The following PTPRS variants were observed in gnomAD, a reference collection of about 807,000 sequenced individuals.
PTPRS encodes the protein protein tyrosine phosphatase receptor type S.
Under a neutral mutation model 215.3 loss-of-function variants are expected in PTPRS, and 63 were observed. That is an observed-to-expected ratio of 0.29 (90% CI 0.24 to 0.36). The LOEUF (loss-of-function observed/expected upper bound fraction) is 0.36. Among genes scored for constraint, PTPRS ranks in the 10% least tolerant of loss-of-function variants. PTPRS has a pLI of 1.00. For synonymous variants in PTPRS, 1,404 were observed against 1,191.4 expected (o/e 1.18, Z -3.68); for missense variants, 2,258 against 2,825.8 (o/e 0.80, Z 4.56).
chr19:5,240,133 C>G, intron 12 of PTPRS, 66 bp downstream of exon 12: 5 of 1,421,872 alleles, frequency 3.5e-6, no homozygotes, highest in Non-Finnish European at 4.6e-6. Context: ...AGAGACAAGG[C>G]GGGCAGCGTC....
chr19:5,327,212 C>T (rs961345906), intron 1 of PTPRS, among the ~76,000 whole-genome samples: 3 of 152,214 alleles, frequency 2.0e-5, no homozygotes, highest in South Asian at 2.1e-4. Flanking sequence ...CCGGACACAG[C>T]GACTCCCCAG....
intron 1 of PTPRS, among the ~76,000 whole-genome samples, chr19:5,335,301 G>A (rs997505851): frequency 3.1e-4 from 47 of 152,180 alleles, no homozygotes; most frequent in African/African-American, 1.1e-3. Context: ...GTCAAGGCTC[G>A]CCGCGACGCA....
At chr19:5,226,537 C>T (rs1360283677) in intron 16 of PTPRS, among the ~76,000 whole-genome samples, 1 of 151,412 alleles carries the variant, frequency 6.6e-6, no homozygotes, top group Non-Finnish European at 1.5e-5. Context: ...TCCAGACCAG[C>T]CTGGCCAACA....
intron 1 of PTPRS, among the ~76,000 whole-genome samples, chr19:5,315,351 GTTT>G (rs952833168): frequency 1.3e-5 from 1 of 79,802 alleles, no homozygotes; most frequent in Non-Finnish European, 2.2e-5. Context: ...TTTGAAAAGG[GTTT>G]TTTTTTTTTT....
chr19:5,331,081 T>A (rs2147277954), intron 1 of PTPRS, among the ~76,000 whole-genome samples: 1 of 150,216 alleles, frequency 6.7e-6, no homozygotes, highest in Admixed American at 6.6e-5. Context: ...TCTGCCTGAT[T>A]TCTCTCGCTG....
chr19:5,228,345 G>GAAAAAAAAAAAAAAAAAAAAAAA (rs1491502602), intron 16 of PTPRS, among the ~76,000 whole-genome samples: 6 of 33,266 alleles, frequency 1.8e-4, no homozygotes, highest in African/African-American at 5.7e-4. Flanking sequence ...ACTCCGTCTG[G>GAAAAAAAAAAAAAAAAAAAAAAA]AGAAAAAAAA....
intron 4 of PTPRS, among the ~76,000 whole-genome samples, chr19:5,271,408 T>TC (rs2046898145): frequency 6.6e-6 from 1 of 151,880 alleles, no homozygotes; most frequent in Non-Finnish European, 1.5e-5. Context: ...TTTTTTTTTT[T>TC]TTCCCTGAGA....
intron 2 of PTPRS, among the ~76,000 whole-genome samples, chr19:5,284,996 C>T (rs992954537): frequency 5.9e-5 from 9 of 152,016 alleles, no homozygotes; most frequent in African/African-American, 9.7e-5. Flanking sequence ...TAAGAAAAAG[C>T]GCAAATGAAT....
chr19:5,320,480 AGTGCAGTG>A (rs2049997527), intron 1 of PTPRS, among the ~76,000 whole-genome samples: 1 of 152,174 alleles, frequency 6.6e-6, no homozygotes, highest in African/African-American at 2.4e-5. Context: ...CCCAGGCTGG[AGTGCAGTG>A]GTGTGATCTT....
At chr19:5,285,318 T>C (rs902759623) in intron 2 of PTPRS, among the ~76,000 whole-genome samples, 2 of 152,194 alleles carry the variant, frequency 1.3e-5, no homozygotes, top group African/African-American at 4.8e-5. Flanking sequence ...TGATGCCTTC[T>C]CCAGGTCCTT....
At chr19:5,269,444 G>T (rs1205429400) in intron 4 of PTPRS, among the ~76,000 whole-genome samples, 1 of 152,104 alleles carries the variant, frequency 6.6e-6, no homozygotes, top group Non-Finnish European at 1.5e-5. Flanking sequence ...GGAAGGCAGG[G>T]AGTGGCCCTG....
chr19:5,212,438 C>T lies in PTPRS; in HGVS notation c.4668G>A (p.Pro1556=), dbSNP rs115646246. ...TTGGGTATTCGGGCACGCCATGGTC[C>T]GGCCACGCCGTAAACTGGAACTGGC... ...EVRQFQFTAW[P]DHGVPEYPTP... Residue 1556 remains proline, a synonymous_variant, in exon 31 of 38, where the codon CCG becomes CCA. Coordinates refer to ENST00000262963, the MANE Select transcript of PTPRS (RefSeq NM_002850.4). 1.8e-4 allele frequency: 284 copies of T among 1,599,470 alleles called. 2 individuals carry two copies. The East Asian group carries it at 2.4e-3, about 14-fold the overall frequency.
intron 2 of PTPRS, among the ~76,000 whole-genome samples, chr19:5,276,964 C>T (rs1456556546): frequency 1.3e-5 from 2 of 152,010 alleles, no homozygotes; most frequent in East Asian, 3.9e-4. Flanking sequence ...GTAACCTTTG[C>T]ATCTCCCAGA....
intron 2 of PTPRS, among the ~76,000 whole-genome samples, chr19:5,278,686 G>A (rs1204752841): frequency 6.6e-6 from 1 of 151,908 alleles, no homozygotes; most frequent in African/African-American, 2.4e-5. Flanking sequence ...TGTTGGCCAG[G>A]CTGGTCTCAA....
intron 1 of PTPRS, among the ~76,000 whole-genome samples, chr19:5,320,378 C>G (rs765948303): frequency 6.6e-6 from 1 of 152,208 alleles, no homozygotes; most frequent in Non-Finnish European, 1.5e-5. Flanking sequence ...ATCCGGCTCC[C>G]GGGAAGTGGC....
chr19:5,314,834 G>A (rs1279215134), intron 1 of PTPRS, among the ~76,000 whole-genome samples: 1 of 152,142 alleles, frequency 6.6e-6, no homozygotes, highest in African/African-American at 2.4e-5. Context: ...CAGATCAGGG[G>A]CTTAGATCAG....
In PTPRS at chr19:5,295,510, A is replaced by C. The variant is rs1156465799; in HGVS notation, c.-94-9276T>G. Among the ~76,000 whole-genome samples the C allele has an allele frequency of 1.3e-5, 2 of 149,930 alleles. No individual in the cohort carries two copies. The highest frequency in any genetic ancestry group is 2.4e-5 in the African/African-American group (1 of 41,048). On this transcript the variant is annotated intron_variant, in intron 1 of 37. Transcript: ENST00000262963. This position sits in a 1 kb window ranked among gnomAD's most constrained non-coding sequence, Gnocchi z 4.6. ...TGGCCCCATCAGCACAGAGCCCTAC[A>C]TGCGCCTAGTCCCCGGGTCTGCCTC...
In PTPRS at chr19:5,211,501, C is replaced by T. The variant is rs1018257048; in HGVS notation, c.5234+89G>A. ...CAGCTCAGGGCTACCAGTATCTCCCCAGCTCTGTCTCCCACAAGACTGGAG... is the reference window on the plus strand; with the variant it reads ...CAGCTCAGGGCTACCAGTATCTCCCTAGCTCTGTCTCCCACAAGACTGGAG... On this transcript the variant is annotated intron_variant, in intron 33 of 37. Transcript: ENST00000262963. 4 of 1,361,444 alleles carry T rather than the reference C, an allele frequency of 2.9e-6. No homozygotes were observed. In the African/African-American group the frequency reaches 4.4e-5, roughly 15 times the overall value. The allele number at this position is 1,361,444 out of a possible 1,614,324, so 84.3% of individuals were successfully genotyped here. A position where few individuals can be genotyped will look rare whatever the true frequency, so the allele number is the denominator to read the frequency against.
chr19:5,206,533 GAAA>G lies in PTPRS; in HGVS notation c.*238_*240del. Reference sequence around the variant, plus strand: ...CGGAATCTGGTTTTGGAATTGGAAGGAAAGGAGGAATGTGCCAAGTATTTGAAG... The same window carrying G: ...CGGAATCTGGTTTTGGAATTGGAAGGGGAGGAATGTGCCAAGTATTTGAAG... On this transcript the variant is annotated 3_prime_UTR_variant, in exon 38 of 38. Transcript: ENST00000262963. The G allele has an allele frequency of 2.3e-6, 1 of 428,474 alleles. No individual in the cohort carries two copies. 26.5% of individuals were successfully genotyped at this position (428,474 alleles called of 1,614,324 possible). A position where few individuals can be genotyped will look rare whatever the true frequency, so the allele number is the denominator to read the frequency against.
Sources: allele counts gnomAD v4.1 joint callset (sites outside exome capture counted in the v4.1 genomes callset), GRCh38; gene constraint gnomAD v4.1.1; non-coding constraint Gnocchi (gnomAD v3.1); transcripts MANE v1.5; gene names NCBI Gene and HGNC (gene_info 2026-07-23, HGNC 2026-07-21).